Variants in FILIP1L observed in about 807,000 individuals in gnomAD.
The protein encoded by FILIP1L is filamin A interacting protein 1 like.
A neutral mutation model predicts 96.6 loss-of-function variants in FILIP1L; 55 were observed. That is an observed-to-expected ratio of 0.57 (90% CI 0.46 to 0.71). The LOEUF is 0.71. Ranked by LOEUF, FILIP1L falls within the 30% of genes least tolerant of loss-of-function variation. The pLI, the probability that FILIP1L is intolerant of heterozygous loss-of-function variation, is 0.00. For missense variants in FILIP1L, 1,304 were observed against 1,321.2 expected (o/e 0.99, Z 0.20); for synonymous variants, 467 against 473.9 (o/e 0.99, Z 0.19).
At position 99,957,116 on chromosome 3, in the gene FILIP1L, A is replaced by G. The variant is rs144255157; in HGVS notation, c.-10-26086T>C. Reference sequence around the variant, plus strand: ...TAAAAATACTTGTGTTTATGTTTGTACATTTATTTTTTATTTGATATACAG... The same window carrying G: ...TAAAAATACTTGTGTTTATGTTTGTGCATTTATTTTTTATTTGATATACAG... On this transcript the variant is annotated intron_variant, in intron 1 of 5. Transcript: ENST00000477258. 6.3e-4 allele frequency among the ~76,000 whole-genome samples: 96 copies of G among 152,300 alleles called. No individual in the cohort carries two copies. In the East Asian group the frequency reaches 0.015, roughly 23 times the overall value.
intron 3 of FILIP1L, among the ~76,000 whole-genome samples, chr3:99,928,174 C>T (rs532332166): frequency 1.3e-5 from 2 of 152,294 alleles, no homozygotes; most frequent in East Asian, 3.9e-4. Context: ...CACTGCCCTC[C>T]CTTTATTTTC....
intron 2 of FILIP1L, among the ~76,000 whole-genome samples, chr3:99,930,287 A>G (rs1282261357): frequency 1.3e-5 from 2 of 152,226 alleles, no homozygotes; most frequent in Non-Finnish European, 2.9e-5. Flanking sequence ...TGACAAGCAG[A>G]TATCATGATA....
At chr3:99,992,008 G>A (rs1709537207) in intron 1 of FILIP1L, among the ~76,000 whole-genome samples, 1 of 147,836 alleles carries the variant, frequency 6.8e-6, no homozygotes, top group African/African-American at 2.5e-5. Context: ...ATATATGTGT[G>A]TGTGTATATA....
At chr3:99,851,235 G>A (rs1559659375) in intron 4 of FILIP1L, among the ~76,000 whole-genome samples, 165 bp from the exon 5 acceptor site, 1 of 152,166 alleles carries the variant, frequency 6.6e-6, no homozygotes, top group Non-Finnish European at 1.5e-5. Context: ...GGAAAATCTT[G>A]ATAAAGTTAT....
chr3:99,939,449 A>G (rs1707790481), intron 1 of FILIP1L, among the ~76,000 whole-genome samples: 1 of 152,076 alleles, frequency 6.6e-6, no homozygotes, highest in Non-Finnish European at 1.5e-5. Flanking sequence ...CATTTCTTAC[A>G]CCACCTAGTT....
chr3:100,105,164 A>C (rs1285619437), intron 1 of FILIP1L, among the ~76,000 whole-genome samples: 3 of 152,164 alleles, frequency 2.0e-5, no homozygotes. Context: ...ACAAACATTT[A>C]TGCCTGTAAA....
intron 1 of FILIP1L, among the ~76,000 whole-genome samples, chr3:100,051,943 A>G (rs1285895388): frequency 6.7e-6 from 1 of 149,092 alleles, no homozygotes; most frequent in Non-Finnish European, 1.5e-5. Flanking sequence ...AATATGAAGT[A>G]TATTATATAA....
intron 1 of FILIP1L, among the ~76,000 whole-genome samples, chr3:99,968,182 T>A (rs925641396): frequency 1.3e-5 from 2 of 152,120 alleles, no homozygotes; most frequent in African/African-American, 4.8e-5. Context: ...CCTAAAGTCT[T>A]AAGAATTGAA....
chr3:100,039,529 A>G (rs1017881722), intron 1 of FILIP1L, among the ~76,000 whole-genome samples: 3 of 152,164 alleles, frequency 2.0e-5, no homozygotes, highest in African/African-American at 4.8e-5. Flanking sequence ...TCAGTCTTAT[A>G]ATATGCGGGA....
At chr3:99,966,030 C>T (rs964426583) in intron 1 of FILIP1L, among the ~76,000 whole-genome samples, 14 of 152,284 alleles carry the variant, frequency 9.2e-5, no homozygotes, top group African/African-American at 3.4e-4. Flanking sequence ...CCTCTTGAAC[C>T]TAGTGCCTTC....
At chr3:99,881,274 C>T (rs960669751) in intron 4 of FILIP1L, among the ~76,000 whole-genome samples, 3 of 152,170 alleles carry the variant, frequency 2.0e-5, no homozygotes, top group Non-Finnish European at 2.9e-5. Context: ...AAGTCTGTTA[C>T]TTAGGTCCAG....
At position 100,000,392 on chromosome 3, in the gene FILIP1L, A is replaced by G. The variant is rs146874134; in HGVS notation, c.-10-69362T>C. On this transcript the variant is annotated intron_variant, in intron 1 of 5. Coordinates refer to ENST00000477258, the MANE Select transcript of FILIP1L (RefSeq NM_001387850.1). ...CCTCCTACTAAATGAGGAATATCAT[A>G]TATTTATTGGCAGCTGCTGTTGTGT... 4.7e-3 allele frequency among the ~76,000 whole-genome samples: 714 copies of G among 152,252 alleles called. 2 individuals carry two copies. Among genetic ancestry groups the G allele is most frequent in the South Asian group, 7.1e-3 (34 of 4,822 alleles).
rs758034619 is a variant in FILIP1L at position 99,833,230 on chromosome 3, T to G, written c.3382-2625A>C. ...AATGCCTTAAAAGTCTGAAGGATGT[T>G]GAGTTCAATGAGGCAGAAGAAGTGG... On this transcript the variant is annotated intron_variant, in intron 5 of 5. Coordinates refer to ENST00000477258, the MANE Select transcript of FILIP1L (RefSeq NM_001387850.1). 14 of 1,611,832 alleles carry G rather than the reference T, an allele frequency of 8.7e-6. No individual in the cohort carries two copies. In the Admixed American group the frequency reaches 2.0e-4, roughly 23 times the overall value.
intron 1 of FILIP1L, among the ~76,000 whole-genome samples, chr3:99,932,673 C>T (rs767823748): frequency 5.3e-5 from 8 of 152,046 alleles, no homozygotes; most frequent in African/African-American, 1.9e-4. Context: ...GCGGATTACC[C>T]GAGGTCAGGA....
intron 1 of FILIP1L, among the ~76,000 whole-genome samples, chr3:100,072,584 A>C (rs1373713533): frequency 6.6e-6 from 1 of 152,206 alleles, no homozygotes; most frequent in East Asian, 1.9e-4. Context: ...TTTAACTGTC[A>C]ACCGACCATC....
intron 5 of FILIP1L, among the ~76,000 whole-genome samples, chr3:99,834,901 G>A (rs1461981619): frequency 6.6e-6 from 1 of 152,176 alleles, no homozygotes; most frequent in Non-Finnish European, 1.5e-5. Context: ...TCTGGGGATT[G>A]AAATACCTAC....
At chr3:99,833,597 C>G (rs1942775974) in intron 5 of FILIP1L, among the ~76,000 whole-genome samples, 1 of 152,192 alleles carries the variant, frequency 6.6e-6, no homozygotes. Context: ...AGGATGTTTC[C>G]TTTTCTCTAA....
chr3:99,948,165 C>A (rs1354307882), intron 1 of FILIP1L, among the ~76,000 whole-genome samples: 18 of 152,144 alleles, frequency 1.2e-4, no homozygotes, highest in Non-Finnish European at 1.5e-5. Context: ...GGTTACCAAA[C>A]AGTATACCAA....
chr3:99,930,883 T>TA lies in FILIP1L; in HGVS notation c.137dup (p.Ile47AsnfsTer14). ...TCTCTGCCTTGGGACACGGAAGTAT[T>TA]ACATCCGACTCACTGGGGGAGTCTT... On this transcript the variant is annotated frameshift_variant, in exon 2 of 6. Transcript: ENST00000477258. LOFTEE classifies it high-confidence loss of function. The TA allele has an allele frequency of 6.2e-7, 1 of 1,613,370 alleles. No homozygotes were observed. The highest frequency in any genetic ancestry group is 8.5e-7 in the Non-Finnish European group (1 of 1,179,854).
Sources: gnomAD v4.1 joint callset for allele counts (sites outside exome capture counted in the v4.1 genomes callset) on GRCh38, gnomAD v4.1.1 for gene constraint, MANE v1.5 for transcripts, NCBI Gene and HGNC (gene_info 2026-07-23, HGNC 2026-07-21) for gene names.